The following HEMK2 variants were observed in gnomAD, a reference collection of about 807,000 sequenced individuals.
HEMK2 encodes the protein HemK methyltransferase 2, ETF1 glutamine and histone H4 lysine.
the HEMK2 span, among the ~76,000 whole-genome samples, chr21:28,764,619 A>G: frequency 6.6e-6 from 1 of 152,246 alleles, no homozygotes; most frequent in African/African-American, 2.4e-5. Flanking sequence ...CATCTTCAGG[A>G]GAGAATAGCG....
At chr21:28,876,101 A>T in the HEMK2 span, 1 of 213,814 alleles carries the variant, frequency 4.7e-6, no homozygotes, top group East Asian at 9.9e-5. Flanking sequence ...TATGAAAAAA[A>T]AGACATTTGC....
At chr21:28,650,818 G>A in the HEMK2 span, among the ~76,000 whole-genome samples, 2 of 152,180 alleles carry the variant, frequency 1.3e-5, no homozygotes, top group Admixed American at 1.3e-4. Flanking sequence ...TAACTCAGAA[G>A]ATGAAAGGGG....
At chr21:28,661,370 A>AACT in the HEMK2 span, among the ~76,000 whole-genome samples, 1 of 152,034 alleles carries the variant, frequency 6.6e-6, no homozygotes, top group Non-Finnish European at 1.5e-5. Flanking sequence ...CTTTATTTAT[A>AACT]ACTACTTTAT....
the HEMK2 span, among the ~76,000 whole-genome samples, chr21:28,621,257 A>T: frequency 9.9e-5 from 15 of 152,114 alleles, no homozygotes; most frequent in African/African-American, 3.4e-4. Context: ...AGATTCTGGT[A>T]CATTATGTCT....
chr21:28,698,848 T>C, the HEMK2 span, among the ~76,000 whole-genome samples: 3 of 152,230 alleles, frequency 2.0e-5, no homozygotes, highest in East Asian at 1.9e-4. Flanking sequence ...CCTGACTAGA[T>C]AGATCAATTA....
chr21:28,591,390 TGTGA>T, the HEMK2 span, among the ~76,000 whole-genome samples: 1 of 152,114 alleles, frequency 6.6e-6, no homozygotes, highest in Non-Finnish European at 1.5e-5. Context: ...ACTTCTGGCC[TGTGA>T]GTATGTTCAG....
chr21:28,655,647 T>C, the HEMK2 span, among the ~76,000 whole-genome samples: 1 of 151,984 alleles, frequency 6.6e-6, no homozygotes, highest in Non-Finnish European at 1.5e-5. Context: ...ATTTCCCAAC[T>C]GTAAGATAAG....
the HEMK2 span, among the ~76,000 whole-genome samples, chr21:28,790,960 T>G: frequency 1.3e-5 from 2 of 151,832 alleles, no homozygotes; most frequent in Admixed American, 6.6e-5. Flanking sequence ...TGTGCACATG[T>G]ACCCTAAAAC....
At chr21:28,818,561 G>A in the HEMK2 span, among the ~76,000 whole-genome samples, 3 of 152,294 alleles carry the variant, frequency 2.0e-5, no homozygotes, top group Admixed American at 1.3e-4. Flanking sequence ...CACCTCCAAA[G>A]CACCTTGTGT....
At chr21:28,774,269 T>A in the HEMK2 span, among the ~76,000 whole-genome samples, 1,657 of 152,308 alleles carry the variant, frequency 0.011, 30 homozygotes, top group African/African-American at 0.038. Context: ...CAAGCATACC[T>A]ACTAAAAACT....
the HEMK2 span, among the ~76,000 whole-genome samples, chr21:28,670,723 T>G: frequency 1.7e-4 from 26 of 152,178 alleles, no homozygotes; most frequent in Admixed American, 5.9e-4. Flanking sequence ...CAGTTCCACA[T>G]GGCTGGGGAG....
chr21:28,853,736 G>T, the HEMK2 span, among the ~76,000 whole-genome samples: 1 of 152,224 alleles, frequency 6.6e-6, no homozygotes, highest in Non-Finnish European at 1.5e-5. Context: ...AGCAGCATGG[G>T]TTGGGGAGGG....
chr21:28,838,975 ATATAT>A, the HEMK2 span, among the ~76,000 whole-genome samples: 577 of 30,646 alleles, frequency 0.019, 16 homozygotes, highest in Non-Finnish European at 0.024. Flanking sequence ...AAAAAAAAAT[ATATAT>A]ATATATATAT....
chr21:28,645,099 G>T, the HEMK2 span, among the ~76,000 whole-genome samples: 1 of 152,130 alleles, frequency 6.6e-6, no homozygotes, highest in Non-Finnish European at 1.5e-5. Context: ...GGCCAGACAG[G>T]TAATCTACTT....
At chr21:28,858,456 C>T in the HEMK2 span, among the ~76,000 whole-genome samples, 1 of 152,098 alleles carries the variant, frequency 6.6e-6, no homozygotes, top group Non-Finnish European at 1.5e-5. Flanking sequence ...TTAGAAATGT[C>T]TTATCCTTCC....
chr21:28,806,156 G>A, the HEMK2 span, among the ~76,000 whole-genome samples: 5 of 152,124 alleles, frequency 3.3e-5, no homozygotes, highest in South Asian at 1.0e-3. Context: ...CGTCTCCAGT[G>A]CCCCCACATG....
chr21:28,791,507 G>A, the HEMK2 span, among the ~76,000 whole-genome samples: 3 of 152,146 alleles, frequency 2.0e-5, no homozygotes, highest in African/African-American at 7.2e-5. Flanking sequence ...GGTAAGCTGA[G>A]TGTTCAATAT....
At chr21:28,686,816 A>C in the HEMK2 span, among the ~76,000 whole-genome samples, 1 of 152,202 alleles carries the variant, frequency 6.6e-6, no homozygotes, top group Non-Finnish European at 1.5e-5. Context: ...TGTCATCCTT[A>C]AAAATATCAG....
At chr21:28,796,233 ACT>A in the HEMK2 span, among the ~76,000 whole-genome samples, 96 of 151,678 alleles carry the variant, frequency 6.3e-4, no homozygotes, top group African/African-American at 2.3e-3. Context: ...CACCCGCCCC[ACT>A]CTCTGCGATT....
Sources: gnomAD v4.1 joint callset for allele counts (sites outside exome capture counted in the v4.1 genomes callset) on GRCh38, gnomAD v4.1.1 for gene constraint, MANE v1.5 for transcripts, NCBI Gene and HGNC (gene_info 2026-07-23, HGNC 2026-07-21) for gene names.